Variants in GRM1 observed in about 807,000 individuals in gnomAD.
The protein encoded by GRM1 is metabotropic glutamate receptor 1.
A neutral mutation model predicts 90.9 loss-of-function variants in GRM1; 33 were observed. The ratio of observed to expected loss-of-function variants is 0.36; its 90% CI spans 0.28 to 0.49. GRM1 has a LOEUF of 0.49. Ranked by LOEUF, GRM1 falls within the 20% of genes least tolerant of loss-of-function variation. The pLI, the probability that GRM1 is intolerant of heterozygous loss-of-function variation, is 0.99. For synonymous variants in GRM1, 700 were observed against 613.2 expected (o/e 1.14, Z -2.09); for missense variants, 1,190 against 1,534.3 (o/e 0.78, Z 3.75).
At chr6:146,110,179 C>T (rs930932723) in intron 1 of GRM1, among the ~76,000 whole-genome samples, 3 of 152,088 alleles carry the variant, frequency 2.0e-5, no homozygotes, top group African/African-American at 7.2e-5. Flanking sequence ...AGAGGCAGAA[C>T]GATATGGTTT....
intron 5 of GRM1, among the ~76,000 whole-genome samples, chr6:146,364,277 T>C (rs1360391044): frequency 6.6e-6 from 1 of 152,240 alleles, no homozygotes; most frequent in African/African-American, 2.4e-5. Flanking sequence ...GCTTCAAAAT[T>C]GCTTGTATGC....
chr6:146,347,717 A>G (rs1216800709), intron 3 of GRM1, among the ~76,000 whole-genome samples: 1 of 152,262 alleles, frequency 6.6e-6, no homozygotes, highest in Non-Finnish European at 1.5e-5. Flanking sequence ...CCTGGGCAGC[A>G]GTTACATGAA....
chr6:146,219,488 A>G (rs1411518777), intron 2 of GRM1, among the ~76,000 whole-genome samples: 3 of 152,116 alleles, frequency 2.0e-5, no homozygotes, highest in Non-Finnish European at 2.9e-5. Flanking sequence ...TTGAAAGTGT[A>G]GGACATATCC....
At position 146,434,947 on chromosome 6, in the gene GRM1, T is replaced by C; in HGVS notation, c.*151T>C. On this transcript the variant is annotated 3_prime_UTR_variant, in exon 8 of 8. Coordinates refer to ENST00000282753, the MANE Select transcript of GRM1 (RefSeq NM_001278064.2). ...CTGCTGCTGCCGCTACTGCTGCTGC[T>C]GCCTTAAGTAGGAAGAGAGGGAAGG... The C allele has an allele frequency of 1.4e-6, 1 of 730,836 alleles. No homozygotes were observed. The highest frequency in any genetic ancestry group is 2.4e-6 in the Non-Finnish European group (1 of 415,266). 45.3% of individuals were successfully genotyped at this position (730,836 alleles called of 1,614,324 possible).
intron 2 of GRM1, among the ~76,000 whole-genome samples, chr6:146,229,227 G>A (rs891230975): frequency 1.3e-5 from 2 of 151,482 alleles, no homozygotes; most frequent in East Asian, 1.9e-4. Flanking sequence ...CAGGTGATCC[G>A]CCTGCCTCAG....
intron 5 of GRM1, among the ~76,000 whole-genome samples, chr6:146,376,138 CA>C (rs1408073250): frequency 3.3e-5 from 5 of 151,954 alleles, no homozygotes; most frequent in Non-Finnish European, 7.4e-5. Flanking sequence ...TTTCAATAAA[CA>C]AACAAAAAAG....
intron 3 of GRM1, among the ~76,000 whole-genome samples, chr6:146,339,837 A>T (rs1304245258): frequency 6.6e-6 from 1 of 152,156 alleles, no homozygotes; most frequent in Non-Finnish European, 1.5e-5. Context: ...TTAACATCAT[A>T]AGCTACGTTG....
chr6:146,428,343 T>G (rs1778288670), intron 7 of GRM1, among the ~76,000 whole-genome samples: 2 of 152,250 alleles, frequency 1.3e-5, no homozygotes, highest in Admixed American at 1.3e-4. Context: ...CATTATGGTC[T>G]GTCTAGATCT....
chr6:146,420,863 G>A lies in GRM1; in HGVS notation c.2661-13009G>A, dbSNP rs529818402. Among the ~76,000 whole-genome samples the A allele has an allele frequency of 4.6e-5, 7 of 152,228 alleles. No individual in the cohort carries two copies. The South Asian group carries it at 1.4e-3, about 32-fold the overall frequency. On this transcript the variant is annotated intron_variant, in intron 7 of 7. Transcript: ENST00000282753. The stretch of plus-strand genomic sequence containing the variant: ...TACAGTTGACAGATACAAAAAGGAT[G>A]ATAGAATTGCATTACCACTTTGTAG...
chr6:146,035,287 GA>G (rs1790848408), intron 1 of GRM1, among the ~76,000 whole-genome samples: 1 of 151,940 alleles, frequency 6.6e-6, no homozygotes, highest in Admixed American at 6.6e-5. Context: ...TGAAGCATGT[GA>G]CAAAGAGTTT....
chr6:146,175,989 T>C (rs1372492771), intron 2 of GRM1, among the ~76,000 whole-genome samples: 1 of 152,120 alleles, frequency 6.6e-6, no homozygotes, highest in Non-Finnish European at 1.5e-5. Flanking sequence ...TCACTAACTA[T>C]AGTAACTATC....
At chr6:146,425,547 G>C (rs1778167616) in intron 7 of GRM1, among the ~76,000 whole-genome samples, 1 of 152,204 alleles carries the variant, frequency 6.6e-6, no homozygotes, top group Non-Finnish European at 1.5e-5. Context: ...AGGATCTTCT[G>C]GGTAGAGGGT....
chr6:146,028,450 C>T (rs1049766400), upstream of GRM1, among the ~76,000 whole-genome samples: 1 of 151,884 alleles, frequency 6.6e-6, no homozygotes, highest in African/African-American at 2.4e-5. Context: ...GAGAGCAACC[C>T]GGAAGCTCCC....
At chr6:146,227,218 A>G (rs1421282543) in intron 2 of GRM1, among the ~76,000 whole-genome samples, 5 of 151,120 alleles carry the variant, frequency 3.3e-5, no homozygotes, top group African/African-American at 1.2e-4. Flanking sequence ...GTGTGTGTGT[A>G]TCTACACACA....
At chr6:146,424,952 C>T (rs2268666) in intron 7 of GRM1, among the ~76,000 whole-genome samples, 77,646 of 151,998 alleles carry the variant, frequency 0.51, 19,928 homozygotes, top group South Asian at 0.62. Flanking sequence ...CTTTTGATTT[C>T]GAGTAGGCAT....
intron 2 of GRM1, among the ~76,000 whole-genome samples, chr6:146,189,781 G>T (rs911838098): frequency 6.6e-6 from 1 of 152,126 alleles, no homozygotes; most frequent in Admixed American, 6.5e-5. Context: ...TATCTGCTGT[G>T]AAAACCTTCT....
intron 1 of GRM1, among the ~76,000 whole-genome samples, chr6:146,127,510 T>C (rs1420382153): frequency 6.6e-6 from 1 of 152,138 alleles, no homozygotes; most frequent in Admixed American, 6.5e-5. Flanking sequence ...TGAGGTTTGA[T>C]GGGTGGGAGG....
intron 2 of GRM1, among the ~76,000 whole-genome samples, chr6:146,172,600 T>C (rs980400260): frequency 5.9e-5 from 9 of 151,966 alleles, no homozygotes; most frequent in African/African-American, 1.5e-4. Flanking sequence ...GATTGGTAGA[T>C]TGAGGGAAGA....
chr6:146,376,811 C>T (rs1363402958), intron 5 of GRM1, among the ~76,000 whole-genome samples: 1 of 152,150 alleles, frequency 6.6e-6, no homozygotes. Flanking sequence ...GCTGTGTCCA[C>T]ACCCAAATGT....
Sources: gnomAD v4.1 joint callset for allele counts (sites outside exome capture counted in the v4.1 genomes callset) on GRCh38, gnomAD v4.1.1 for gene constraint, MANE v1.5 for transcripts, NCBI Gene and HGNC (gene_info 2026-07-23, HGNC 2026-07-21) for gene names.